EDA: variants seen among roughly 807,000 people sequenced by gnomAD.
EDA encodes the protein ectodysplasin A.
Under a neutral mutation model 23.6 loss-of-function variants are expected in EDA, and 2 were observed. The ratio of observed to expected loss-of-function variants is 0.08; its 90% confidence interval spans 0.03 to 0.27. The LOEUF is 0.27. Ranked by LOEUF, EDA falls within the 10% of genes least tolerant of loss-of-function variation. EDA has a pLI of 1.00. For missense variants in EDA, 229 were observed against 324.2 expected, an observed-to-expected ratio of 0.71 and a Z score of 2.26; for synonymous variants, 131 against 132.0, an observed-to-expected ratio of 0.99 and a Z score of 0.05.
chrX:69,906,732 C>T (rs1424190164), intron 1 of EDA, among the ~76,000 whole-genome samples: 1 of 111,538 alleles, frequency 9.0e-6, no homozygotes, highest in Non-Finnish European at 1.9e-5. Context: ...TATTGGCACG[C>T]GTGCACGCAC....
At chrX:69,745,098 C>T (rs1336795913) in intron 1 of EDA, among the ~76,000 whole-genome samples, 1 of 111,842 alleles carries the variant, frequency 8.9e-6, no homozygotes, top group Non-Finnish European at 1.9e-5. Flanking sequence ...ATTCTTACAT[C>T]ACAATTCATC....
At chrX:69,628,964 A>G (rs966814776) in intron 1 of EDA, among the ~76,000 whole-genome samples, 1 of 111,220 alleles carries the variant, frequency 9.0e-6, no homozygotes, top group Non-Finnish European at 1.9e-5. Flanking sequence ...TGTAGCTGAG[A>G]GTTGCTTTGT....
chrX:69,829,274 G>GT (rs745326303), intron 1 of EDA, among the ~76,000 whole-genome samples: 5 of 111,214 alleles, frequency 4.5e-5, no homozygotes, highest in Admixed American at 9.6e-5. Context: ...CACATTTAGG[G>GT]TTTTTTTTAT....
intron 2 of EDA, among the ~76,000 whole-genome samples, chrX:70,002,645 AAC>A (rs903604034): frequency 8.9e-6 from 1 of 112,109 alleles, no homozygotes; most frequent in African/African-American, 3.2e-5. Flanking sequence ...ATTTAGTCCA[AAC>A]ACCCATTCAA....
At chrX:69,829,084 A>G (rs1310768861) in intron 1 of EDA, among the ~76,000 whole-genome samples, 1 of 112,213 alleles carries the variant, frequency 8.9e-6, no homozygotes, top group African/African-American at 3.2e-5. Flanking sequence ...CCTTCAGGGA[A>G]ATGATTATAT....
chrX:69,804,297 GA>G (rs2015764313), intron 1 of EDA, among the ~76,000 whole-genome samples: 1 of 111,122 alleles, frequency 9.0e-6, no homozygotes, highest in Admixed American at 9.7e-5. Context: ...ATTTGAGAAA[GA>G]ATGTGATTCA....
intron 1 of EDA, among the ~76,000 whole-genome samples, chrX:69,805,727 G>C (rs975210129): frequency 9.0e-6 from 1 of 111,701 alleles, no homozygotes; most frequent in South Asian, 3.7e-4. Context: ...TTGAAATTAA[G>C]CAGCTGTGGT....
chrX:69,957,268 G>C (rs766389688), intron 2 of EDA, 136 bp downstream of exon 2: 3 of 555,386 alleles, frequency 5.4e-6, no homozygotes, highest in Non-Finnish European at 9.1e-6. Flanking sequence ...CACGCGGGCA[G>C]ATCACTTGAG....
At chrX:69,697,686 C>A (rs2011395718) in intron 1 of EDA, among the ~76,000 whole-genome samples, 1 of 110,978 alleles carries the variant, frequency 9.0e-6, no homozygotes, top group African/African-American at 3.3e-5. Context: ...ACTGGAGGAA[C>A]CCGATGATGA....
chrX:69,670,187 T>TTTTTG (rs1198595593), intron 1 of EDA: 18 of 320,011 alleles, frequency 5.6e-5, no homozygotes, highest in Non-Finnish European at 9.5e-5. Flanking sequence ...CTGACTGTTT[T>TTTTTG]TTTTTTTTTT....
chrX:69,815,569 T>C (rs943263744), intron 1 of EDA, among the ~76,000 whole-genome samples: 1 of 111,630 alleles, frequency 9.0e-6, no homozygotes, highest in Non-Finnish European at 1.9e-5. Flanking sequence ...TGCCAGATCT[T>C]GGCCAGAGTG....
At chrX:69,876,601 C>T (rs999975432) in intron 1 of EDA, among the ~76,000 whole-genome samples, 1 of 111,575 alleles carries the variant, frequency 9.0e-6, no homozygotes, top group Non-Finnish European at 1.9e-5. Flanking sequence ...TCAACCCTTA[C>T]CCCTGCCCTC....
chrX:69,706,944 C>G (rs920097487), intron 1 of EDA, among the ~76,000 whole-genome samples: 1 of 111,641 alleles, frequency 9.0e-6, no homozygotes, highest in African/African-American at 3.3e-5. Context: ...GGAAGAAGTC[C>G]ATTCAGGTGG....
At chrX:69,901,052 A>G (rs1024606933) in intron 1 of EDA, among the ~76,000 whole-genome samples, 1 of 111,640 alleles carries the variant, frequency 9.0e-6, no homozygotes, top group Non-Finnish European at 1.9e-5. Flanking sequence ...TTTACTTAGT[A>G]GTTATTTTAG....
At chrX:69,989,828 G>GA (rs67459949) in intron 2 of EDA, among the ~76,000 whole-genome samples, 10,010 of 98,566 alleles carry the variant, frequency 0.1, 413 homozygotes, top group Non-Finnish European at 0.13. Flanking sequence ...TGAACAACAG[G>GA]AAAAAAAAAG....
intron 7 of EDA, among the ~76,000 whole-genome samples, chrX:70,034,813 A>T (rs111557404): frequency 5.4e-5 from 6 of 111,856 alleles, no homozygotes; most frequent in Admixed American, 1.9e-4. Flanking sequence ...GGCACTGTGA[A>T]TCAGTGAGGG....
At chrX:69,932,142 A>G (rs1475528560) in intron 1 of EDA, among the ~76,000 whole-genome samples, 1 of 111,745 alleles carries the variant, frequency 8.9e-6, no homozygotes, top group Non-Finnish European at 1.9e-5. Context: ...AAACTGATCT[A>G]TAGTGGCAAA....
intron 2 of EDA, among the ~76,000 whole-genome samples, chrX:70,015,498 A>T (rs774740712): frequency 1.8e-5 from 2 of 111,047 alleles, no homozygotes; most frequent in African/African-American, 6.6e-5. Flanking sequence ...ACTTGAACCC[A>T]GGAGGCGGAG....
intron 1 of EDA, among the ~76,000 whole-genome samples, chrX:69,787,246 A>G (rs1299509325): frequency 1.0e-4 from 10 of 100,384 alleles, no homozygotes; most frequent in Non-Finnish European, 1.6e-4. Flanking sequence ...TCTTTATCCA[A>G]TTTGCCAGTC....
Sources: allele counts gnomAD v4.1 joint callset (sites outside exome capture counted in the v4.1 genomes callset), GRCh38; gene constraint gnomAD v4.1.1; transcripts MANE v1.5; gene names NCBI Gene and HGNC (gene_info 2026-07-23, HGNC 2026-07-21).